Variants in XIRP2 observed in about 807,000 individuals in gnomAD.
XIRP2 encodes xin actin-binding repeat-containing protein 2.
Under a neutral mutation model 277.0 loss-of-function variants are expected in XIRP2, and 236 were observed. The observed-to-expected ratio is 0.85, with a 90% CI of 0.77 to 0.95. XIRP2 has a LOEUF of 0.95. Ranked by LOEUF, XIRP2 falls within the 40% of genes least tolerant of loss-of-function variation. The pLI is 0.00. For synonymous variants in XIRP2, 1,490 were observed against 1,416.5 expected (o/e 1.05, Z -1.17); for missense variants, 4,640 against 4,157.5 (o/e 1.12, Z -3.19).
intron 2 of XIRP2, among the ~76,000 whole-genome samples, chr2:167,020,579 T>C (rs1343016761): frequency 6.6e-6 from 1 of 152,024 alleles, no homozygotes; most frequent in Non-Finnish European, 1.5e-5. Context: ...TGTTTGTGTG[T>C]GTGTGTGTTC....
intron 2 of XIRP2, among the ~76,000 whole-genome samples, chr2:167,004,880 T>C (rs1456198463): frequency 6.6e-6 from 1 of 151,494 alleles, no homozygotes; most frequent in Non-Finnish European, 1.5e-5. Flanking sequence ...ACAAGGCCTC[T>C]GTTGAAAGTC....
chr2:166,968,916 A>G (rs1277515172), intron 2 of XIRP2, among the ~76,000 whole-genome samples: 1 of 151,968 alleles, frequency 6.6e-6, no homozygotes, highest in Non-Finnish European at 1.5e-5. Flanking sequence ...TCTCTCTTGT[A>G]TACCATGTTC....
At chr2:166,971,176 T>C (rs976381132) in intron 2 of XIRP2, among the ~76,000 whole-genome samples, 1 of 152,040 alleles carries the variant, frequency 6.6e-6, no homozygotes, top group Admixed American at 6.6e-5. Flanking sequence ...TTTAAGTAAG[T>C]TTAAATTAAT....
At chr2:167,123,210 GC>G (rs1691105048) in intron 2 of XIRP2, among the ~76,000 whole-genome samples, 1 of 152,096 alleles carries the variant, frequency 6.6e-6, no homozygotes, top group Non-Finnish European at 1.5e-5. Context: ...ACATAGTGAG[GC>G]AAATCTGCAT....
chr2:166,927,695 C>A (rs544127504), intron 2 of XIRP2, among the ~76,000 whole-genome samples: 1 of 152,210 alleles, frequency 6.6e-6, no homozygotes, highest in Admixed American at 6.5e-5. Context: ...TGATTAGCAA[C>A]CTTAATTCCA....
At chr2:167,135,422 A>G (rs1691515362) in intron 2 of XIRP2, among the ~76,000 whole-genome samples, 1 of 152,266 alleles carries the variant, frequency 6.6e-6, no homozygotes, top group African/African-American at 2.4e-5. Context: ...AACTGTATTC[A>G]ATGTATGCTG....
intron 2 of XIRP2, among the ~76,000 whole-genome samples, chr2:166,912,956 C>G (rs956127714): frequency 2.6e-5 from 4 of 152,170 alleles, no homozygotes; most frequent in Non-Finnish European, 5.9e-5. Flanking sequence ...CCTGATCATT[C>G]CTCTGGAAGC....
At position 167,243,612 on chromosome 2, in the gene XIRP2, A is replaced by G; in HGVS notation, c.2220A>G (p.Pro740=). ...GTATAAAATGTTTCGAAACTCAACC[A>G]TTATATGTTATTAGAGATGGTTCGG... is the stretch of plus-strand genomic sequence containing the variant. ...KRSIKCFETQ[P]LYVIRDGSGQ... The change falls in exon 9 of 11, where the codon CCA becomes CCG. Residue 740 remains proline (P), a synonymous_variant. Transcript: ENST00000409195. 1 of 1,614,076 alleles carries G rather than the reference A, an allele frequency of 6.2e-7. No individual in the cohort carries two copies. Among genetic ancestry groups the G allele is most frequent in the Non-Finnish European group, 8.5e-7 (1 of 1,179,990 alleles).
intron 2 of XIRP2, among the ~76,000 whole-genome samples, chr2:166,999,913 A>T (rs976315796): frequency 6.6e-6 from 1 of 152,182 alleles, no homozygotes; most frequent in Admixed American, 6.6e-5. Context: ...GAAGAAAATT[A>T]TTATAAGAAA....
chr2:166,933,241 C>T (rs758716519), intron 2 of XIRP2, among the ~76,000 whole-genome samples: 7 of 151,604 alleles, frequency 4.6e-5, no homozygotes, highest in Admixed American at 1.3e-4. Context: ...CTCCACCTCC[C>T]GGGTTCACAC....
At chr2:167,094,251 C>T (rs1304107729) in intron 2 of XIRP2, among the ~76,000 whole-genome samples, 3 of 152,102 alleles carry the variant, frequency 2.0e-5, no homozygotes, top group Admixed American at 6.5e-5. Context: ...CAAAAATTTT[C>T]TCCCATTCTG....
In XIRP2 at chr2:167,249,676, C is replaced by G. The variant is rs776074194; in HGVS notation, c.8284C>G (p.His2762Asp). The change falls in exon 9 of 11, where the codon CAT (histidine) becomes GAT (aspartate). Residue 2762 changes from histidine (H) to aspartate (D), a missense_variant. Physicochemically the swap from His to Asp is moderately conservative, Grantham distance 81. Coordinates refer to ENST00000409195, the MANE Select transcript of XIRP2 (RefSeq NM_152381.6). ...KKTEASTECS[H>D]KQSLAERHYQ... ...AACTGAAGCAAGCACTGAATGTAGT[C>G]ATAAGCAATCTCTGGCTGAAAGACA... 6.2e-7 allele frequency: 1 copy of G among 1,613,430 alleles called. No homozygotes were observed. Among genetic ancestry groups the G allele is most frequent in the Non-Finnish European group, 8.5e-7 (1 of 1,179,744 alleles).
At chr2:167,195,023 T>C (rs192049970) in intron 3 of XIRP2, among the ~76,000 whole-genome samples, 1 of 152,162 alleles carries the variant, frequency 6.6e-6, no homozygotes, top group South Asian at 2.1e-4. Flanking sequence ...TGCTGAACAT[T>C]GAAAACTGCA....
rs1685164818 is a variant in XIRP2, at chr2:166,925,600, T to TATATATATATATATATATATATAC, written c.408+21733_408+21734insCATATATATATATATATATATATA. Among the ~76,000 whole-genome samples, 14 of 80,594 alleles carry TATATATATATATATATATATATAC rather than the reference T, an allele frequency of 1.7e-4. No homozygotes were observed. In the African/African-American group the frequency reaches 1.9e-3, roughly 11 times the overall value. 52.9% of individuals were successfully genotyped at this position (80,594 alleles called of 152,430 possible). Reference sequence around the variant, plus strand: ...GTGTGTGTGTATGTGTATATACATATATATATATATATATATATATATATA... The same window carrying TATATATATATATATATATATATAC: ...GTGTGTGTGTATGTGTATATACATATATATATATATATATATATATATACATATATATATATATATATATATATA... On this transcript the variant is annotated intron_variant, in intron 2 of 10. Coordinates refer to ENST00000409195, the MANE Select transcript of XIRP2 (RefSeq NM_152381.6).
At chr2:167,040,305 C>A (rs907090174) in intron 2 of XIRP2, among the ~76,000 whole-genome samples, 1 of 151,852 alleles carries the variant, frequency 6.6e-6, no homozygotes, top group African/African-American at 2.4e-5. Flanking sequence ...AGAATGCACA[C>A]CCCAGGCTAA....
intron 1 of XIRP2, among the ~76,000 whole-genome samples, chr2:166,894,115 A>C (rs1285814797): frequency 6.6e-6 from 1 of 152,144 alleles, no homozygotes; most frequent in Non-Finnish European, 1.5e-5. Flanking sequence ...CAAACCTAAC[A>C]TTATCATTAT....
intron 2 of XIRP2, among the ~76,000 whole-genome samples, chr2:167,081,861 A>G (rs999815469): frequency 7.2e-5 from 11 of 152,154 alleles, no homozygotes; most frequent in Non-Finnish European, 1.5e-4. Context: ...TCTTGTTTCC[A>G]TCAATTGTGG....
chr2:167,117,071 G>C (rs116349352), intron 2 of XIRP2, among the ~76,000 whole-genome samples: 2,221 of 152,276 alleles, frequency 0.015, 58 homozygotes, highest in African/African-American at 0.051. Context: ...CTCTTGATAT[G>C]ATTTGGGTTG....
At chr2:167,058,646 CT>C (rs1689097359) in intron 2 of XIRP2, among the ~76,000 whole-genome samples, 2 of 152,146 alleles carry the variant, frequency 1.3e-5, no homozygotes, top group African/African-American at 2.4e-5. Flanking sequence ...GCCTGGGCCA[CT>C]TTATAGCATG....
Sources: gnomAD v4.1 joint callset for allele counts (sites outside exome capture counted in the v4.1 genomes callset) on GRCh38, gnomAD v4.1.1 for gene constraint, MANE v1.5 for transcripts, NCBI Gene and HGNC (gene_info 2026-07-23, HGNC 2026-07-21) for gene names.